The following ATP2B2 variants were observed in gnomAD, a reference collection of about 807,000 sequenced individuals.
The protein encoded by ATP2B2 is plasma membrane calcium-transporting ATPase 2.
In ATP2B2, 15 loss-of-function variants were observed where a neutral mutation model predicts 120.0. The observed-to-expected ratio is 0.12, with a 90% CI of 0.08 to 0.19. The LOEUF (loss-of-function observed/expected upper bound fraction) is 0.19. Among genes scored for constraint, ATP2B2 ranks in the 10% least tolerant of loss-of-function variants. The pLI is 1.00. For synonymous variants in ATP2B2, 694 were observed against 700.3 expected, an observed-to-expected ratio of 0.99 and a Z score of 0.14; for missense variants, 1,045 against 1,719.8, an observed-to-expected ratio of 0.61 and a Z score of 6.94.
At chr3:10,620,245 C>T (rs551111512) in intron 1 of ATP2B2, among the ~76,000 whole-genome samples, 3 of 152,298 alleles carry the variant, frequency 2.0e-5, no homozygotes, top group African/African-American at 7.2e-5. Flanking sequence ...GGAGACAAAT[C>T]TCCCAGGCTT....
At chr3:10,355,996 A>AC (rs1377569170) in intron 14 of ATP2B2, among the ~76,000 whole-genome samples, 1 of 61,214 alleles carries the variant, frequency 1.6e-5, no homozygotes, top group African/African-American at 5.9e-5. Flanking sequence ...AATGGCGTGA[A>AC]CCCGGGAGGC....
intron 2 of ATP2B2, among the ~76,000 whole-genome samples, chr3:10,417,816 G>A (rs979238851): frequency 2.0e-5 from 3 of 152,196 alleles, no homozygotes; most frequent in African/African-American, 7.2e-5. Flanking sequence ...TATGGGTGGG[G>A]AGAAGGGCTG....
At chr3:10,471,102 C>T (rs897557376) in intron 1 of ATP2B2, among the ~76,000 whole-genome samples, 11 of 152,190 alleles carry the variant, frequency 7.2e-5, no homozygotes, top group Non-Finnish European at 1.6e-4. Context: ...ATCCGCAGTC[C>T]GACCTGCCCA....
Position 10,340,439 on chromosome 3 carries a change from G to T in ATP2B2, c.3129+54C>A, listed in dbSNP as rs1003704617. 6 of 1,613,596 alleles carry T rather than the reference G, an allele frequency of 3.7e-6. No individual in the cohort carries two copies. The highest frequency in any genetic ancestry group is 5.1e-6 in the Non-Finnish European group (6 of 1,179,550). ...TGGGCTCTCAGGGTCCTGCCCAGGG[G>T]CTCCAGCCGCTTGCTGCCCACCCCG... is the stretch of plus-strand genomic sequence containing the variant. On this transcript the variant is annotated intron_variant, in intron 20 of 22. Transcript: ENST00000360273. This position sits in a 1 kb window ranked among gnomAD's most constrained non-coding sequence, Gnocchi z 5.0.
intron 2 of ATP2B2, among the ~76,000 whole-genome samples, chr3:10,554,175 T>C (rs1171247071): frequency 7.2e-5 from 11 of 152,044 alleles, no homozygotes; most frequent in African/African-American, 2.7e-4. Context: ...ACCTGAACAC[T>C]CATCCTCTCA....
At chr3:10,616,734 T>C (rs1225254585) in intron 2 of ATP2B2, among the ~76,000 whole-genome samples, 1 of 152,208 alleles carries the variant, frequency 6.6e-6, no homozygotes, top group Non-Finnish European at 1.5e-5. Flanking sequence ...TTCTTAACTC[T>C]AACTCCTCTT....
chr3:10,523,795 G>A (rs2067032536), intron 3 of ATP2B2, among the ~76,000 whole-genome samples: 1 of 151,046 alleles, frequency 6.6e-6, no homozygotes, highest in African/African-American at 2.4e-5. Flanking sequence ...ATATATCAGA[G>A]CCCAGGCATT....
At chr3:10,471,448 G>A (rs999234149) in intron 1 of ATP2B2, among the ~76,000 whole-genome samples, 2 of 152,090 alleles carry the variant, frequency 1.3e-5, no homozygotes, top group Non-Finnish European at 2.9e-5. Flanking sequence ...ATGTGTGTGT[G>A]TGTGTTCTAG....
chr3:10,532,865 T>C (rs111322107), intron 3 of ATP2B2, among the ~76,000 whole-genome samples: 3,442 of 152,322 alleles, frequency 0.023, 53 homozygotes, highest in Middle Eastern at 0.088. Context: ...CCAGTGATGC[T>C]TGCTTGCACA....
intron 2 of ATP2B2, among the ~76,000 whole-genome samples, chr3:10,616,682 GCA>G (rs34616841): frequency 2.0e-5 from 3 of 151,044 alleles, no homozygotes; most frequent in South Asian, 4.2e-4. Flanking sequence ...CTAGCAAAAT[GCA>G]CACACACACA....
chr3:10,649,008 A>G (rs1372547710), intron 1 of ATP2B2, among the ~76,000 whole-genome samples: 2 of 152,226 alleles, frequency 1.3e-5, no homozygotes, highest in Admixed American at 6.5e-5. Context: ...TTTGGCCTCC[A>G]GCCATTTTCA....
chr3:10,601,445 C>A (rs1410391897), intron 2 of ATP2B2, among the ~76,000 whole-genome samples: 1 of 152,272 alleles, frequency 6.6e-6, no homozygotes, highest in East Asian at 1.9e-4. Context: ...TTGGATCTGG[C>A]CTGGCTGTGC....
chr3:10,537,623 C>T (rs1370551608), intron 2 of ATP2B2, among the ~76,000 whole-genome samples: 1 of 152,078 alleles, frequency 6.6e-6, no homozygotes, highest in Non-Finnish European at 1.5e-5. Flanking sequence ...ACAATCAAGT[C>T]ATCTGCAAAC....
At chr3:10,431,973 A>G (rs1034093532) in intron 2 of ATP2B2, among the ~76,000 whole-genome samples, 2 of 152,058 alleles carry the variant, frequency 1.3e-5, no homozygotes, top group Non-Finnish European at 2.9e-5. Flanking sequence ...GAAAATCATC[A>G]CTCCCGGCAC....
At chr3:10,570,108 A>C (rs1349952124) in intron 2 of ATP2B2, 1 of 152,058 alleles carries the variant, frequency 6.6e-6, no homozygotes, top group Non-Finnish European at 1.5e-5. Context: ...CCATCTTGTG[A>C]CTCAGAACCC....
At chr3:10,364,889 T>C (rs1311671103) in intron 12 of ATP2B2, among the ~76,000 whole-genome samples, 2 of 152,174 alleles carry the variant, frequency 1.3e-5, no homozygotes, top group Admixed American at 6.5e-5. Flanking sequence ...AGGACAGGCA[T>C]CAGCAATGAC....
chr3:10,364,034 A>G (rs899083406), intron 12 of ATP2B2, among the ~76,000 whole-genome samples: 2 of 152,258 alleles, frequency 1.3e-5, no homozygotes. Context: ...CATACAATGG[A>G]CTATTACTCA....
At chr3:10,527,460 G>A (rs1010702987) in intron 3 of ATP2B2, among the ~76,000 whole-genome samples, 6 of 152,152 alleles carry the variant, frequency 3.9e-5, no homozygotes, top group Admixed American at 2.6e-4. Context: ...CTCTTTCACC[G>A]CCCTCTGGAG....
chr3:10,522,646 C>T (rs188562770), intron 3 of ATP2B2, among the ~76,000 whole-genome samples: 32 of 152,328 alleles, frequency 2.1e-4, no homozygotes, highest in African/African-American at 7.5e-4. Flanking sequence ...CAGGAGTAGG[C>T]CTCTGAAGGA....
Sources: allele counts gnomAD v4.1 joint callset (sites outside exome capture counted in the v4.1 genomes callset), GRCh38; gene constraint gnomAD v4.1.1; non-coding constraint Gnocchi (gnomAD v3.1); transcripts MANE v1.5; gene names NCBI Gene and HGNC (gene_info 2026-07-23, HGNC 2026-07-21).